Variants in CACNA2D4 observed in about 807,000 individuals in gnomAD.
The protein encoded by CACNA2D4 is calcium voltage-gated channel auxiliary subunit alpha2delta 4, also known as voltage-dependent calcium channel subunit alpha-2/delta-4.
In CACNA2D4, 157 loss-of-function variants were observed where a neutral mutation model predicts 163.8. The observed-to-expected ratio is 0.96, with a 90% CI of 0.84 to 1.09. CACNA2D4 has a LOEUF of 1.09. Among genes scored for constraint, CACNA2D4 ranks in the 50% least tolerant of loss-of-function variants. The pLI is 0.00. For missense variants in CACNA2D4, 1,410 were observed against 1,479.9 expected, an observed-to-expected ratio of 0.95 and a Z score of 0.78; for synonymous variants, 598 against 586.9, an observed-to-expected ratio of 1.02 and a Z score of -0.27.
Position 1,799,575 on chromosome 12 carries a change from G to T in CACNA2D4, c.2995+100C>A. On this transcript the variant is annotated intron_variant, in intron 34 of 37. Coordinates refer to ENST00000382722, the MANE Select transcript of CACNA2D4 (RefSeq NM_172364.5). This position sits in a 1 kb window ranked among gnomAD's most constrained non-coding sequence, Gnocchi z 4.7. ...AACCAGGAGAGCTCAGCCCTGCTTG[G>T]GGTCATTCCTGGGACAGGTCATGGA... The T allele has an allele frequency of 7.9e-7, 1 of 1,269,954 alleles. No individual in the cohort carries two copies. Among genetic ancestry groups the T allele is most frequent in the Non-Finnish European group, 1.1e-6 (1 of 894,704 alleles). The allele number at this position is 1,269,954 out of a possible 1,614,324, so 78.7% of individuals were successfully genotyped here. A position where few individuals can be genotyped will look rare whatever the true frequency, so the allele number is the denominator to read the frequency against.
rs929708209 is a variant in CACNA2D4, at chr12:1,809,003, C to G, written c.2721+1275G>C. ...CTGCAAAGCCCCGCCCACACTCCCA[C>G]CAACAGGAAGTTGAACGAAACCATC... is the stretch of plus-strand genomic sequence containing the variant. On this transcript the variant is annotated intron_variant, in intron 29 of 37. Transcript: ENST00000382722. Among the ~76,000 whole-genome samples, 4 of 152,224 alleles carry G rather than the reference C, an allele frequency of 2.6e-5. No individual in the cohort carries two copies. The East Asian group carries it at 7.7e-4, about 29-fold the overall frequency.
chr12:1,863,895 TAC>T (rs1426437614), intron 18 of CACNA2D4, among the ~76,000 whole-genome samples: 16 of 36,322 alleles, frequency 4.4e-4, no homozygotes, highest in Admixed American at 1.6e-3. Flanking sequence ...AAAATCACTT[TAC>T]AAAAAAAAAA....
intron 19 of CACNA2D4, among the ~76,000 whole-genome samples, chr12:1,859,137 T>C (rs1865467508): frequency 6.6e-6 from 1 of 152,116 alleles, no homozygotes; most frequent in Non-Finnish European, 1.5e-5. Flanking sequence ...GAAATTGTGA[T>C]TAAATTGGTC....
rs1220630889 is a variant in CACNA2D4 at position 1,878,793 on chromosome 12, C to G, written c.1644+163G>C. On this transcript the variant is annotated intron_variant, in intron 15 of 37. Coordinates refer to ENST00000382722, the MANE Select transcript of CACNA2D4 (RefSeq NM_172364.5). This position sits in a 1 kb window ranked among gnomAD's most constrained non-coding sequence, Gnocchi z 4.6. ...TGGTGGGAAAGGGACCCAGGGGCAC[C>G]AGTTGCTGCTCCCCTGCTCAGCACC... Among the ~76,000 whole-genome samples the G allele has an allele frequency of 2.6e-5, 4 of 152,136 alleles. No individual in the cohort carries two copies. The highest frequency in any genetic ancestry group is 4.8e-5 in the African/African-American group (2 of 41,440).
chr12:1,834,382 C>T lies in CACNA2D4; in HGVS notation c.2551+6357G>A, dbSNP rs1298429184. The T allele has an allele frequency of 1.2e-6, 2 of 1,613,190 alleles. No homozygotes were observed. The highest frequency in any genetic ancestry group is 2.2e-5 in the South Asian group (2 of 91,070). On this transcript the variant is annotated intron_variant, in intron 26 of 37. Transcript: ENST00000382722. The surrounding 1 kb of genome is among the most constrained non-coding windows in gnomAD (Gnocchi z 7.6). ...GCTCCCAGCTGGAGGACGAGAATAG[C>T]TCAGCTGGGCTGGATATTCCTGGGC... is the stretch of plus-strand genomic sequence containing the variant.
In CACNA2D4 at chr12:1,901,775, A is replaced by G. The variant is rs370582162; in HGVS notation, c.781+5665T>C. Among the ~76,000 whole-genome samples the G allele has an allele frequency of 2.8e-4, 43 of 152,220 alleles. No individual in the cohort carries two copies. The South Asian group carries it at 8.7e-3, about 31-fold the overall frequency. On this transcript the variant is annotated intron_variant, in intron 6 of 37. Coordinates refer to ENST00000382722, the MANE Select transcript of CACNA2D4 (RefSeq NM_172364.5). ...AATTTTACCAAAAATTTAAAAAAGA[A>G]CTAAAACTGATACCAATCCTACTCA...
chr12:1,887,651 C>A (rs577759179), intron 6 of CACNA2D4, among the ~76,000 whole-genome samples: 1 of 152,244 alleles, frequency 6.6e-6, no homozygotes, highest in African/African-American at 2.4e-5. Context: ...CTTGCGTTGA[C>A]CCAGTAGCAG....
chr12:1,872,307 G>T (rs1291998678), intron 18 of CACNA2D4, among the ~76,000 whole-genome samples: 1 of 152,132 alleles, frequency 6.6e-6, no homozygotes, highest in African/African-American at 2.4e-5. Context: ...TACAAGTTTG[G>T]CCCCATAGGT....
At chr12:1,895,942 A>C (rs375780083) in intron 6 of CACNA2D4, among the ~76,000 whole-genome samples, 155 of 152,272 alleles carry the variant, frequency 1.0e-3, no homozygotes, top group African/African-American at 3.2e-3. Flanking sequence ...CCTGGCCTCA[A>C]GCCAGCTAAT....
At position 1,886,256 on chromosome 12, in the gene CACNA2D4, G is replaced by A. The variant is rs778492724; in HGVS notation, c.960C>T (p.Thr320=). The change falls in exon 8 of 38, where the codon ACC becomes ACT. Residue 320 remains threonine, a synonymous_variant. Transcript: ENST00000382722. The part of the protein sequence containing the change: ...AKHTITTILD[T]LGENDFINII... ...TATTAATGAAGTCATTCTCCCCCAG[G>A]GTGTCCAAGATGGTGGTGATGGTGT... 4.1e-5 allele frequency: 66 copies of A among 1,613,330 alleles called. 2 individuals are homozygous for A. The South Asian group carries it at 6.8e-4, about 17-fold the overall frequency.
chr12:1,798,083 G>C lies in CACNA2D4; in HGVS notation c.2996-548C>G, dbSNP rs1205139626. On this transcript the variant is annotated intron_variant, in intron 34 of 37. Transcript: ENST00000382722. The surrounding 1 kb of genome is among the most constrained non-coding windows in gnomAD (Gnocchi z 4.3). ...AGGTGGGCTCCAGGCCTGGGGCTGC[G>C]GAAGCCCAGAAGCCACAGCCACCCG... Among the ~76,000 whole-genome samples, 2 of 152,304 alleles carry C rather than the reference G, an allele frequency of 1.3e-5. No homozygotes were observed. The highest frequency in any genetic ancestry group is 2.1e-4 in the South Asian group (1 of 4,826).
chr12:1,917,276 G>A lies in CACNA2D4; in HGVS notation c.227+971C>T, dbSNP rs962107496. On this transcript the variant is annotated intron_variant, in intron 1 of 37. Transcript: ENST00000382722. This position sits in a 1 kb window ranked among gnomAD's most constrained non-coding sequence, Gnocchi z 4.3. ...AAACTAACGGTGTCATTTGTGAAGC[G>A]CCCAGCTCCGTGCCAGGCAGGGAAC... Among the ~76,000 whole-genome samples the A allele has an allele frequency of 6.6e-5, 10 of 152,252 alleles. No individual in the cohort carries two copies. The highest frequency in any genetic ancestry group is 6.2e-4 in the South Asian group (3 of 4,822).
chr12:1,817,526 G>C (rs1185349836), intron 26 of CACNA2D4, among the ~76,000 whole-genome samples: 1 of 152,154 alleles, frequency 6.6e-6, no homozygotes, highest in Non-Finnish European at 1.5e-5. Context: ...GTCTCCCTCT[G>C]ATGCCGAGCC....
chr12:1,848,608 C>A (rs1456310095), intron 23 of CACNA2D4, among the ~76,000 whole-genome samples: 1 of 152,094 alleles, frequency 6.6e-6, no homozygotes, highest in Non-Finnish European at 1.5e-5. Flanking sequence ...ATAGAAGAGG[C>A]AGGATAAATA....
chr12:1,872,720 C>T (rs1401873264), intron 18 of CACNA2D4, among the ~76,000 whole-genome samples: 3 of 152,122 alleles, frequency 2.0e-5, no homozygotes, highest in Non-Finnish European at 2.9e-5. Context: ...GACACTGCCT[C>T]GGCGGCCCCA....
intron 6 of CACNA2D4, among the ~76,000 whole-genome samples, chr12:1,905,871 G>A (rs181366260): frequency 1.4e-4 from 21 of 152,110 alleles, no homozygotes; most frequent in African/African-American, 4.1e-4. Flanking sequence ...ACCCCAAATA[G>A]CCTAAACAAT....
intron 6 of CACNA2D4, among the ~76,000 whole-genome samples, chr12:1,896,533 C>T (rs947070844): frequency 4.6e-5 from 7 of 151,438 alleles, no homozygotes; most frequent in South Asian, 2.1e-4. Flanking sequence ...CTCAATATCA[C>T]GAATCACGAG....
rs200356957 is a variant in CACNA2D4 at position 1,827,888 on chromosome 12, G to GCC, written c.2551+12849_2551+12850dup. The GCC allele has an allele frequency of 2.9e-3, 1,150 of 396,452 alleles. 12 individuals carry two copies. The highest frequency in any genetic ancestry group is 0.022 in the African/African-American group (1,065 of 48,496). 24.6% of individuals were successfully genotyped at this position (396,452 alleles called of 1,614,324 possible). A position where few individuals can be genotyped will look rare whatever the true frequency, so the allele number is the denominator to read the frequency against. On this transcript the variant is annotated intron_variant, in intron 26 of 37. Transcript: ENST00000382722. ...TCGGGCTCCTGGAAAGCCGAAGCCT[G>GCC]CCCCGCCCCCATCCCAGGGGCTTGA...
At position 1,907,518 on chromosome 12, in the gene CACNA2D4, C is replaced by G. The variant is rs187719227; in HGVS notation, c.703G>C (p.Val235Leu). 5 of 1,613,474 alleles carry G rather than the reference C, an allele frequency of 3.1e-6. No homozygotes were observed. Among genetic ancestry groups the G allele is most frequent in the Non-Finnish European group, 3.4e-6 (4 of 1,179,458 alleles). ...GTTGGGTCTCTCTGGAAGTTCTCCA[C>G]GAAGACAGCATTCAAGGCTTCAGAC... ...YMSEALNAVF[V>L]ENFQRDPTLT... The change falls in exon 6 of 38, where the codon GTG (valine) becomes CTG (leucine). Residue 235 changes from valine (V) to leucine (L), a missense_variant. Val to Leu is a conservative substitution (Grantham distance 32, BLOSUM62 1). Transcript: ENST00000382722.
Sources: allele counts gnomAD v4.1 joint callset (sites outside exome capture counted in the v4.1 genomes callset), GRCh38; gene constraint gnomAD v4.1.1; non-coding constraint Gnocchi (gnomAD v3.1); transcripts MANE v1.5; gene names NCBI Gene and HGNC (gene_info 2026-07-23, HGNC 2026-07-21).